Variants in CSMD1 observed in about 807,000 individuals in gnomAD.
The protein encoded by CSMD1 is CUB and Sushi multiple domains 1.
In CSMD1, 213 loss-of-function variants were observed where a neutral mutation model predicts 417.5. The observed-to-expected ratio is 0.51, with a 90% CI of 0.46 to 0.57. CSMD1 has a LOEUF of 0.57. Ranked by LOEUF, CSMD1 falls within the 20% of genes least tolerant of loss-of-function variation. The pLI, the probability that CSMD1 is intolerant of heterozygous loss-of-function variation, is 0.00. For synonymous variants in CSMD1, 2,862 were observed against 1,736.8 expected (o/e 1.65, Z -16.11); for missense variants, 6,923 against 4,529.7 (o/e 1.53, Z -15.17).
chr8:4,849,360 C>T (rs1038537610), intron 1 of CSMD1, among the ~76,000 whole-genome samples: 1 of 151,828 alleles, frequency 6.6e-6, no homozygotes, highest in African/African-American at 2.4e-5. Context: ...ATTTAATAAA[C>T]TGAAGTTAAT....
intron 9 of CSMD1, among the ~76,000 whole-genome samples, chr8:3,575,752 A>G (rs938353105): frequency 7.2e-5 from 11 of 152,198 alleles, no homozygotes; most frequent in African/African-American, 2.7e-4. Flanking sequence ...GAAATGAAAG[A>G]CTGAGTGAAG....
At chr8:4,843,106 C>A (rs556815029) in intron 1 of CSMD1, among the ~76,000 whole-genome samples, 3 of 152,104 alleles carry the variant, frequency 2.0e-5, no homozygotes, top group East Asian at 1.9e-4. Flanking sequence ...TTAGGATGTG[C>A]GAATTGAGAG....
intron 10 of CSMD1, among the ~76,000 whole-genome samples, chr8:3,523,888 CAG>C (rs1287500282): frequency 1.5e-4 from 22 of 148,952 alleles, no homozygotes; most frequent in South Asian, 6.4e-4. Context: ...CACACATGCA[CAG>C]AGACATATGC....
chr8:3,900,104 G>T (rs539882762), intron 5 of CSMD1, among the ~76,000 whole-genome samples: 6 of 152,042 alleles, frequency 3.9e-5, no homozygotes, highest in Non-Finnish European at 8.8e-5. Context: ...TGGTGCAGCT[G>T]GTTGGCACTG....
intron 1 of CSMD1, among the ~76,000 whole-genome samples, chr8:4,854,472 G>A (rs932062218): frequency 6.6e-5 from 10 of 152,144 alleles, no homozygotes; most frequent in East Asian, 3.9e-4. Flanking sequence ...CGCAGAAGAC[G>A]GGTGATTTCT....
chr8:3,104,085 T>A lies in CSMD1; in HGVS notation c.6949+2443A>T, dbSNP rs144008673. On this transcript the variant is annotated intron_variant, in intron 46 of 69. Transcript: ENST00000635120. ...GAGCAGCACATTTGATACATACGTA[T>A]GCCTTTCTTCTCTTCTCAGCTAAGA... Among the ~76,000 whole-genome samples, 35 of 152,338 alleles carry A rather than the reference T, an allele frequency of 2.3e-4. No individual in the cohort carries two copies. The East Asian group carries it at 6.4e-3, about 28-fold the overall frequency.
intron 5 of CSMD1, among the ~76,000 whole-genome samples, chr8:3,891,534 A>G (rs1230324181): frequency 6.6e-6 from 1 of 152,056 alleles, no homozygotes; most frequent in Non-Finnish European, 1.5e-5. Context: ...CACACAAAAA[A>G]AAGCCAATAG....
chr8:4,516,857 T>A (rs1239280913), intron 2 of CSMD1, among the ~76,000 whole-genome samples: 1 of 152,168 alleles, frequency 6.6e-6, no homozygotes, highest in African/African-American at 2.4e-5. Context: ...CCAATTTTTT[T>A]TCTTTATACT....
intron 5 of CSMD1, among the ~76,000 whole-genome samples, chr8:3,953,039 A>G (rs1811694808): frequency 6.6e-6 from 1 of 152,162 alleles, no homozygotes; most frequent in Non-Finnish European, 1.5e-5. Context: ...CTAAAGACAA[A>G]ATTATAATCA....
chr8:4,678,578 A>T (rs140815437), intron 1 of CSMD1, among the ~76,000 whole-genome samples: 1 of 152,230 alleles, frequency 6.6e-6, no homozygotes, highest in South Asian at 2.1e-4. Context: ...CATTATATTC[A>T]GAAATTAAGT....
intron 5 of CSMD1, among the ~76,000 whole-genome samples, chr8:3,916,366 G>A (rs1441601186): frequency 6.6e-6 from 1 of 152,048 alleles, no homozygotes; most frequent in African/African-American, 2.4e-5. Context: ...TCAAGCCTCT[G>A]TACATAGGAG....
chr8:2,985,619 T>C (rs1805826759), intron 54 of CSMD1, among the ~76,000 whole-genome samples: 1 of 152,348 alleles, frequency 6.6e-6, no homozygotes, highest in South Asian at 2.1e-4. Context: ...CAATGAAGTA[T>C]AACTGATAAA....
intron 6 of CSMD1, among the ~76,000 whole-genome samples, chr8:3,711,487 C>T (rs1012856932): frequency 1.3e-5 from 2 of 152,192 alleles, no homozygotes. Flanking sequence ...GGTTCATGAA[C>T]GTCCTGCACT....
At chr8:4,467,830 A>G (rs1800275200) in intron 2 of CSMD1, among the ~76,000 whole-genome samples, 1 of 152,224 alleles carries the variant, frequency 6.6e-6, no homozygotes, top group Admixed American at 6.5e-5. Flanking sequence ...GACAAACTCA[A>G]TGAAATAATT....
Position 4,563,865 on chromosome 8 carries a change from G to C in CSMD1, c.302+73477C>G, listed in dbSNP as rs959455381. On this transcript the variant is annotated intron_variant, in intron 2 of 69. Coordinates refer to ENST00000635120, the MANE Select transcript of CSMD1 (RefSeq NM_033225.6). ...CTAGGATATCTGCTGAGAAGACTTG[G>C]AGTTGCGAAGTAACAAAAGAAGTGT... 7.9e-5 allele frequency among the ~76,000 whole-genome samples: 12 copies of C among 152,210 alleles called. No homozygotes were observed. In the East Asian group the frequency reaches 1.4e-3, roughly 17 times the overall value.
intron 1 of CSMD1, among the ~76,000 whole-genome samples, chr8:4,885,458 T>C (rs6990689): frequency 8.6e-5 from 13 of 151,898 alleles, no homozygotes; most frequent in African/African-American, 3.1e-4. Flanking sequence ...AGTATAATCT[T>C]ACATGTGCAA....
intron 3 of CSMD1, among the ~76,000 whole-genome samples, chr8:4,345,193 T>C (rs1584932507): frequency 6.6e-6 from 1 of 152,268 alleles, no homozygotes; most frequent in East Asian, 1.9e-4. Flanking sequence ...AGACATCGCA[T>C]TGATGACCAA....
At chr8:3,612,751 C>T (rs1172470173) in intron 8 of CSMD1, among the ~76,000 whole-genome samples, 3 of 151,974 alleles carry the variant, frequency 2.0e-5, no homozygotes, top group Non-Finnish European at 1.5e-5. Flanking sequence ...CACAGCATAT[C>T]AAAATTGAAG....
intron 33 of CSMD1, among the ~76,000 whole-genome samples, chr8:3,196,881 C>T (rs1047920068): frequency 2.6e-5 from 4 of 152,110 alleles, no homozygotes; most frequent in African/African-American, 9.7e-5. Flanking sequence ...ATAAGAGAAG[C>T]TCCTGGCAAG....
Sources: allele counts gnomAD v4.1 joint callset (sites outside exome capture counted in the v4.1 genomes callset), GRCh38; gene constraint gnomAD v4.1.1; transcripts MANE v1.5; gene names NCBI Gene and HGNC (gene_info 2026-07-23, HGNC 2026-07-21).